RAB21: variants seen among roughly 807,000 people sequenced by gnomAD.
RAB21 encodes the protein ras-related protein Rab-21.
RAB21 carries 13 observed loss-of-function variants against 33.1 expected under a neutral mutation model. The ratio of observed to expected loss-of-function variants is 0.39; its 90% CI spans 0.26 to 0.62. The LOEUF (loss-of-function observed/expected upper bound fraction) is 0.62, where lower values mean the gene tolerates loss of function less well. Among genes scored for constraint, RAB21 ranks in the 20% least tolerant of loss-of-function variants. The probability of loss-of-function intolerance (pLI) is 0.48; values close to 1 mark genes in which losing one functional copy is unlikely to be tolerated. For missense variants in RAB21, 234 were observed against 279.1 expected (o/e 0.84, Z 1.15); for synonymous variants, 91 against 103.7 (o/e 0.88, Z 0.74).
chr12:71,774,492 C>A (rs976740710), intron 4 of RAB21, among the ~76,000 whole-genome samples: 14 of 151,708 alleles, frequency 9.2e-5, no homozygotes, highest in Admixed American at 7.9e-4. Context: ...GGCACAGTGG[C>A]TCACGCCTGT....
rs1260211369 is a variant in RAB21, at chr12:71,797,135, A to G, written c.*11462A>G. ...TATACAAAATGTACTACTATAATTA[A>G]TGTCCTCAAGGAACTTAAAAACCTA... On this transcript the variant is annotated 3_prime_UTR_variant, in exon 7 of 7. Coordinates refer to ENST00000261263, the MANE Select transcript of RAB21 (RefSeq NM_014999.4). 1 of 152,210 alleles carries G rather than the reference A, an allele frequency of 6.6e-6. No homozygotes were observed. Among genetic ancestry groups the G allele is most frequent in the Non-Finnish European group, 1.5e-5 (1 of 68,018 alleles). 9.4% of individuals were successfully genotyped at this position (152,210 alleles called of 1,614,324 possible).
At chr12:71,762,376 G>A (rs1463088389) in intron 1 of RAB21, among the ~76,000 whole-genome samples, 1 of 152,116 alleles carries the variant, frequency 6.6e-6, no homozygotes, top group Non-Finnish European at 1.5e-5. Context: ...CGCGATCTCG[G>A]CTCACTGCAA....
rs184940636 is a variant in RAB21 at position 71,765,503 on chromosome 12, G to A, written c.160-4297G>A. On this transcript the variant is annotated intron_variant, in intron 1 of 6. Transcript: ENST00000261263. The stretch of plus-strand genomic sequence containing the variant: ...TGTTTTTGTTGCATTTGCTTTTGGG[G>A]TGTTAGTCATGAATTCTTTCTCTAA... Among the ~76,000 whole-genome samples, 53 of 152,140 alleles carry A rather than the reference G, an allele frequency of 3.5e-4. No individual in the cohort carries two copies. In the East Asian group the frequency reaches 0.01, roughly 29 times the overall value.
At chr12:71,759,508 G>GC (rs1882838919) in intron 1 of RAB21, among the ~76,000 whole-genome samples, 1 of 152,220 alleles carries the variant, frequency 6.6e-6, no homozygotes, top group Non-Finnish European at 1.5e-5. Flanking sequence ...CCATGCATGG[G>GC]CCACAGGCCA....
intron 1 of RAB21, among the ~76,000 whole-genome samples, chr12:71,762,337 G>C (rs374829293): frequency 2.0e-5 from 3 of 151,876 alleles, no homozygotes; most frequent in African/African-American, 7.3e-5. Context: ...ACGGAGTCTC[G>C]CTCTGTCGCC....
intron 1 of RAB21, among the ~76,000 whole-genome samples, chr12:71,759,668 C>T (rs1007489731): frequency 2.0e-5 from 3 of 152,214 alleles, no homozygotes; most frequent in African/African-American, 7.2e-5. Flanking sequence ...TTACAGTTCT[C>T]CTTTTTGCCC....
chr12:71,784,818 A>G (rs1883259379), intron 6 of RAB21, among the ~76,000 whole-genome samples: 1 of 152,094 alleles, frequency 6.6e-6, no homozygotes, highest in Non-Finnish European at 1.5e-5. Flanking sequence ...GTGGTCAGGG[A>G]CAGTGGCTCA....
In RAB21 at chr12:71,794,510, C is replaced by G. The variant is rs1476961771; in HGVS notation, c.*8837C>G. 7.9e-6 allele frequency: 1 copy of G among 126,832 alleles called. No homozygotes were observed. Among genetic ancestry groups the G allele is most frequent in the East Asian group, 2.5e-4 (1 of 4,060 alleles). The allele number at this position is 126,832 out of a possible 1,614,324, so 7.9% of individuals were successfully genotyped here. A position where few individuals can be genotyped will look rare whatever the true frequency, so the allele number is the denominator to read the frequency against. On this transcript the variant is annotated 3_prime_UTR_variant, in exon 7 of 7. Transcript: ENST00000261263. ...AGAGTGCAGTGGCGCTATCTCGGCT[C>G]ACTGCAAGCTCCGGCTCCCGAGTTC...
intron 4 of RAB21, among the ~76,000 whole-genome samples, chr12:71,774,781 T>G (rs1428775756): frequency 6.6e-6 from 1 of 151,046 alleles, no homozygotes; most frequent in East Asian, 1.9e-4. Flanking sequence ...AAAGAATAAT[T>G]TAGGATTTAG....
chr12:71,756,423 G>T (rs1441128219), intron 1 of RAB21, among the ~76,000 whole-genome samples: 4 of 152,218 alleles, frequency 2.6e-5, no homozygotes, highest in African/African-American at 9.7e-5. Context: ...TGTGTAGTAT[G>T]TGAGAACATC....
intron 1 of RAB21, among the ~76,000 whole-genome samples, chr12:71,758,807 A>G (rs1418988181): frequency 6.6e-6 from 1 of 152,136 alleles, no homozygotes; most frequent in Non-Finnish European, 1.5e-5. Flanking sequence ...TCTTCTAGGC[A>G]CTATGTAATC....
At chr12:71,778,834 A>G (rs1292134373) in intron 4 of RAB21, among the ~76,000 whole-genome samples, 1 of 152,196 alleles carries the variant, frequency 6.6e-6, no homozygotes, top group Non-Finnish European at 1.5e-5. Context: ...AGATGAAGCC[A>G]GTAGGATGAT....
At chr12:71,769,722 A>T in intron 1 of RAB21, 78 bp from the exon 2 acceptor site, 3 of 644,672 alleles carry the variant, frequency 4.7e-6, no homozygotes, top group Non-Finnish European at 5.0e-6. Flanking sequence ...CATTGAGATG[A>T]TTCATTCATC....
chr12:71,773,217 C>G (rs1422233496), intron 3 of RAB21, among the ~76,000 whole-genome samples: 1 of 152,222 alleles, frequency 6.6e-6, no homozygotes, highest in African/African-American at 2.4e-5. Flanking sequence ...TACTACTATG[C>G]TTCACTCATA....
intron 4 of RAB21, among the ~76,000 whole-genome samples, chr12:71,780,314 A>C (rs1450359705): frequency 2.6e-5 from 4 of 152,220 alleles, no homozygotes; most frequent in Admixed American, 2.6e-4. Flanking sequence ...TAATTGAAGC[A>C]AAATTAATAT....
chr12:71,771,962 T>C (rs1592646504), intron 3 of RAB21, among the ~76,000 whole-genome samples: 2 of 148,772 alleles, frequency 1.3e-5, no homozygotes, highest in African/African-American at 5.0e-5. Context: ...GGTGACAGAG[T>C]GAGACTCCAT....
At chr12:71,773,881 GTGT>G (rs1480326893) in intron 3 of RAB21, 75 bp from the exon 4 acceptor site, 5 of 943,442 alleles carry the variant, frequency 5.3e-6, no homozygotes, top group Non-Finnish European at 6.6e-6. Context: ...TATTTTGACA[GTGT>G]TGAGTTTTTT....
Position 71,785,583 on chromosome 12 carries a change from T to C in RAB21, c.588T>C (p.Ser196=), listed in dbSNP as rs151056671. 2.9e-4 allele frequency: 464 copies of C among 1,614,184 alleles called. No individual in the cohort carries two copies. Among genetic ancestry groups the C allele is most frequent in the Non-Finnish European group, 3.8e-4 (451 of 1,180,012 alleles). The part of the protein sequence containing the change: ...VDERAKGNGS[S]QPGTARRGVQ... ...AGAGAGCAAAAGGCAATGGCTCTAGTCAGCCGGGAACTGCAAGGCGAGGTG... is the reference window on the plus strand; with the variant it reads ...AGAGAGCAAAAGGCAATGGCTCTAGCCAGCCGGGAACTGCAAGGCGAGGTG... Residue 196 remains serine, a synonymous_variant, in exon 7 of 7, where the codon AGT becomes AGC. Coordinates refer to ENST00000261263, the MANE Select transcript of RAB21 (RefSeq NM_014999.4).
At chr12:71,771,173 T>G (rs1446367458) in intron 3 of RAB21, among the ~76,000 whole-genome samples, 1 of 152,190 alleles carries the variant, frequency 6.6e-6, no homozygotes, top group Admixed American at 6.5e-5. Context: ...TAATAAAAGT[T>G]TTAAAAGGAC....
Sources: allele counts gnomAD v4.1 joint callset (sites outside exome capture counted in the v4.1 genomes callset), GRCh38; gene constraint gnomAD v4.1.1; transcripts MANE v1.5; gene names NCBI Gene and HGNC (gene_info 2026-07-23, HGNC 2026-07-21).